The following RGMB variants were observed in gnomAD, a reference collection of about 807,000 sequenced individuals.
The protein encoded by RGMB is repulsive guidance molecule B.
Under a neutral mutation model 26.9 loss-of-function variants are expected in RGMB, and 16 were observed. The ratio of observed to expected loss-of-function variants is 0.60; its 90% CI spans 0.40 to 0.90. The LOEUF (loss-of-function observed/expected upper bound fraction) is 0.90, where lower values mean the gene tolerates loss of function less well. Ranked by LOEUF, RGMB falls within the 40% of genes least tolerant of loss-of-function variation. The pLI, the probability that RGMB is intolerant of heterozygous loss-of-function variation, is 0.00. For missense variants in RGMB, 512 were observed against 573.3 expected, an observed-to-expected ratio of 0.89 and a Z score of 1.09; for synonymous variants, 225 against 229.3, an observed-to-expected ratio of 0.98 and a Z score of 0.17.
chr5:98,775,162 G>A (rs1746357983), intron 1 of RGMB, among the ~76,000 whole-genome samples: 4 of 151,988 alleles, frequency 2.6e-5, no homozygotes, highest in Non-Finnish European at 5.9e-5. Flanking sequence ...ACTTCACAAC[G>A]TTCTGGTCTG....
intron 2 of RGMB, among the ~76,000 whole-genome samples, chr5:98,790,085 T>G (rs2112373272): frequency 6.6e-6 from 1 of 152,366 alleles, no homozygotes; most frequent in East Asian, 1.9e-4. Flanking sequence ...GCTGAGTACT[T>G]GCCTTTTAAA....
At chr5:98,768,808 GTACCCATTT>G (rs977390860), upstream of RGMB, 1 of 152,294 alleles carries the variant, frequency 6.6e-6, no homozygotes, top group Non-Finnish European at 1.5e-5. Flanking sequence ...TCCCGCCACT[GTACCCATTT>G]TAGAAACACT....
At chr5:98,788,942 A>C (rs1003304783) in intron 2 of RGMB, among the ~76,000 whole-genome samples, 1 of 152,188 alleles carries the variant, frequency 6.6e-6, no homozygotes, top group African/African-American at 2.4e-5. Flanking sequence ...GCTGTTAACC[A>C]TGTGTTAAGA....
At chr5:98,781,658 T>G (rs533125947) in intron 2 of RGMB, among the ~76,000 whole-genome samples, 1 of 152,298 alleles carries the variant, frequency 6.6e-6, no homozygotes, top group Admixed American at 6.5e-5. Flanking sequence ...CAGAGTGACC[T>G]TCGAACAAAA....
Position 98,774,126 on chromosome 5 carries a change from A to G in RGMB, c.56A>G (p.Gln19Arg), listed in dbSNP as rs1220302899. 6.9e-7 allele frequency: 1 copy of G among 1,446,132 alleles called. No homozygotes were observed. The highest frequency in any genetic ancestry group is 2.8e-5 in the East Asian group (1 of 36,302). 89.6% of individuals were successfully genotyped at this position (1,446,132 alleles called of 1,614,324 possible). Residue 19 changes from glutamine to arginine, a missense_variant, in exon 1 of 3, where the codon CAG (glutamine) becomes CGG (arginine). Transcript: ENST00000513185. ...GCCGCTGCCGCCGCCGAGGTTGAGC[A>G]GCGCCGCAGCCCCGGGCTCTGCCCC... Reference protein sequence around the residue: ...SAAAAAAEVEQRRSPGLCPPP... With the variant: ...SAAAAAAEVERRRSPGLCPPP...
intron 2 of RGMB, among the ~76,000 whole-genome samples, chr5:98,787,540 G>A (rs1580289261): frequency 6.6e-6 from 1 of 152,208 alleles, no homozygotes; most frequent in East Asian, 1.9e-4. Context: ...TGGCAGCCTA[G>A]GCCTATAATA....
At chr5:98,770,895 G>A, upstream of RGMB, 1 of 397,590 alleles carries the variant, frequency 2.5e-6, no homozygotes, top group Non-Finnish European at 4.4e-6. Context: ...GTACACAGTG[G>A]CCGGGGAGCA....
Position 98,773,979 on chromosome 5 carries a change from C to T in RGMB, c.-92C>T. 1.6e-6 allele frequency: 1 copy of T among 628,444 alleles called. No individual in the cohort carries two copies. The highest frequency in any genetic ancestry group is 1.7e-5 in the South Asian group (1 of 58,148). The allele number at this position is 628,444 out of a possible 1,614,324, so 38.9% of individuals were successfully genotyped here. ...AGGAAGAAGAGGAAGCGAAGCGCGC[C>T]CCCCGGCCCATGCCGCAGCCACGGG... On this transcript the variant is annotated 5_prime_UTR_variant, in exon 1 of 3. Coordinates refer to ENST00000513185, the MANE Select transcript of RGMB (RefSeq NM_001366508.1).
In RGMB at chr5:98,793,779, A is replaced by G. The variant is rs1554068936; in HGVS notation, c.*26A>G. 1 of 1,488,076 alleles carries G rather than the reference A, an allele frequency of 6.7e-7. No homozygotes were observed. The highest frequency in any genetic ancestry group is 1.4e-5 in the South Asian group (1 of 73,898). 92.2% of individuals were successfully genotyped at this position (1,488,076 alleles called of 1,614,324 possible). A position where few individuals can be genotyped will look rare whatever the true frequency, so the allele number is the denominator to read the frequency against. On this transcript the variant is annotated 3_prime_UTR_variant, in exon 3 of 3. Transcript: ENST00000513185. ...GGGTTGTCTTTTGTTTTGGTTTTTT[A>G]TTTTTTGTCTATAACAAAATTTTAA...
chr5:98,770,329 TGA>T (rs1746112187), upstream of RGMB: 1 of 330,094 alleles, frequency 3.0e-6, no homozygotes, highest in Non-Finnish European at 5.5e-6. Flanking sequence ...GGCTGGCTAA[TGA>T]GAGGTTAATT....
chr5:98,778,072 T>G (rs763063101), intron 1 of RGMB, among the ~76,000 whole-genome samples: 2 of 152,172 alleles, frequency 1.3e-5, no homozygotes, highest in Non-Finnish European at 2.9e-5. Context: ...AATTTAAAAT[T>G]TAAAATTTTG....
At chr5:98,774,305 G>A in intron 1 of RGMB, 99 bp downstream of exon 1, 3 of 1,232,290 alleles carry the variant, frequency 2.4e-6, no homozygotes, top group Non-Finnish European at 3.1e-6. Flanking sequence ...CGGAAGGGCG[G>A]CGTGGCGCAA....
chr5:98,779,636 TC>T lies in RGMB; in HGVS notation c.196del (p.Leu66Ter), dbSNP rs1425686378. ...CCAGAAATGCACCACGGACTTCGTGTCCCTGACTTCTCACCTGAACTCTGCC... is the reference window on the plus strand; with the variant it reads ...CCAGAAATGCACCACGGACTTCGTGTCCTGACTTCTCACCTGAACTCTGCC... ...RIQKCTTDFV[S>X]LTSHLNSAVD... On this transcript the variant is annotated frameshift_variant, in exon 2 of 3. Transcript: ENST00000513185. LOFTEE classifies it high-confidence loss of function. 1.3e-5 allele frequency: 20 copies of T among 1,540,216 alleles called. No individual in the cohort carries two copies. The highest frequency in any genetic ancestry group is 1.7e-5 in the Non-Finnish European group (19 of 1,141,620).
chr5:98,777,100 A>AG (rs1746440147), intron 1 of RGMB, among the ~76,000 whole-genome samples: 1 of 151,594 alleles, frequency 6.6e-6, no homozygotes, highest in Non-Finnish European at 1.5e-5. Flanking sequence ...AAAAAAAAAA[A>AG]GGAAAGGAAA....
upstream of RGMB, chr5:98,770,305 T>C (rs1746110872): frequency 1.1e-5 from 3 of 282,258 alleles, no homozygotes; most frequent in East Asian, 1.2e-4. Context: ...TTTAAGGCCT[T>C]CTTGGGAGCG....
chr5:98,789,444 CCT>C (rs1048077500), intron 2 of RGMB, among the ~76,000 whole-genome samples: 1 of 152,012 alleles, frequency 6.6e-6, no homozygotes, highest in African/African-American at 2.4e-5. Flanking sequence ...TGTGTATTTC[CCT>C]CTTTGTTGGC....
In RGMB at chr5:98,793,740, T is replaced by C. The variant is rs370365109; in HGVS notation, c.1301T>C (p.Ile434Thr). 80 of 1,571,310 alleles carry C rather than the reference T, an allele frequency of 5.1e-5. No individual in the cohort carries two copies. In the African/African-American group the frequency reaches 7.8e-4, roughly 15 times the overall value. The change falls in exon 3 of 3, where the codon ATC becomes ACC. Residue 434 changes from isoleucine (I) to threonine (T), a missense_variant. By Grantham distance (89) the Ile-to-Thr change is moderately conservative. Transcript: ENST00000513185. ...VSLGLTCLIL[I>T]VFL ...CTAGGACTCACCTGCTTGATCCTTA[T>C]CGTGTTTTTGTAGGGGTTGTCTTTT...
chr5:98,782,918 A>G (rs181521982), intron 2 of RGMB, among the ~76,000 whole-genome samples: 1 of 152,270 alleles, frequency 6.6e-6, no homozygotes, highest in East Asian at 1.9e-4. Context: ...AAATGAAGTC[A>G]CCCGGGGCCA....
upstream of RGMB, chr5:98,770,410 C>G: frequency 2.5e-6 from 1 of 401,698 alleles, no homozygotes; most frequent in Non-Finnish European, 4.4e-6. Context: ...CCTCCGCGCG[C>G]TGGCAAGCGG....
Sources: allele counts gnomAD v4.1 joint callset (sites outside exome capture counted in the v4.1 genomes callset), GRCh38; gene constraint gnomAD v4.1.1; transcripts MANE v1.5; gene names NCBI Gene and HGNC (gene_info 2026-07-23, HGNC 2026-07-21).